RYR2: variants seen among roughly 807,000 people sequenced by gnomAD.
The protein encoded by RYR2 is ryanodine receptor 2.
In RYR2, 227 loss-of-function variants were observed where a neutral mutation model predicts 601.1. The observed-to-expected ratio is 0.38, with a 90% CI of 0.34 to 0.42. The LOEUF (loss-of-function observed/expected upper bound fraction) is 0.42. Among genes scored for constraint, RYR2 ranks in the 10% least tolerant of loss-of-function variants. The pLI is 1.00. For synonymous variants in RYR2, 2,223 were observed against 2,175.1 expected (o/e 1.02, Z -0.61); for missense variants, 4,646 against 6,156.5 (o/e 0.75, Z 8.21).
chr1:237,061,377 G>C (rs892287664), intron 1 of RYR2, among the ~76,000 whole-genome samples: 1 of 152,050 alleles, frequency 6.6e-6, no homozygotes, highest in Non-Finnish European at 1.5e-5. Context: ...GAGTGCAGTG[G>C]CACAGTCATA....
chr1:237,474,201 A>ATGTGTG (rs372140254), intron 17 of RYR2, among the ~76,000 whole-genome samples: 58,171 of 139,894 alleles, frequency 0.42, 13,903 homozygotes, highest in East Asian at 0.61. Flanking sequence ...GTGTGTATAT[A>ATGTGTG]TGTGTGTGTG....
chr1:237,730,781 G>T (rs747214807), intron 77 of RYR2, among the ~76,000 whole-genome samples: 1 of 152,126 alleles, frequency 6.6e-6, no homozygotes, highest in Non-Finnish European at 1.5e-5. Flanking sequence ...ATGATAGACT[G>T]AACACAGGAG....
intron 29 of RYR2, among the ~76,000 whole-genome samples, chr1:237,579,248 C>T (rs1250162316): frequency 4.4e-5 from 3 of 68,094 alleles, no homozygotes; most frequent in African/African-American, 1.5e-4. Flanking sequence ...TCTTCTTCTT[C>T]TTTTTTTTTT....
At chr1:237,511,851 A>AC (rs1454556381) in intron 24 of RYR2, 60 bp downstream of exon 24, 14 of 858,518 alleles carry the variant, frequency 1.6e-5, no homozygotes, top group Non-Finnish European at 2.1e-5. Context: ...AAAAAAAAAA[A>AC]AAAAAAAACA....
intron 1 of RYR2, among the ~76,000 whole-genome samples, chr1:237,095,597 G>C (rs1022800733): frequency 6.6e-6 from 1 of 152,194 alleles, no homozygotes; most frequent in African/African-American, 2.4e-5. Flanking sequence ...CATCCCCCTA[G>C]CCTGGTGACT....
At chr1:237,698,105 AGTGTGTGTGT>A (rs3999833) in intron 63 of RYR2, among the ~76,000 whole-genome samples, 1,748 of 140,114 alleles carry the variant, frequency 0.012, 17 homozygotes, top group South Asian at 0.07. Context: ...AGGAGATGAT[AGTGTGTGTGT>A]GTGTGTGTGT....
chr1:237,240,665 C>CAAAAAAAAAAA (rs35984919), intron 1 of RYR2, among the ~76,000 whole-genome samples: 27 of 55,112 alleles, frequency 4.9e-4, no homozygotes, highest in Middle Eastern at 0.026. Flanking sequence ...CTATAAAAGC[C>CAAAAAAAAAAA]AAAAAAAAAA....
chr1:237,125,168 A>G (rs1374646498), intron 1 of RYR2, among the ~76,000 whole-genome samples: 3 of 152,178 alleles, frequency 2.0e-5, no homozygotes, highest in Admixed American at 6.5e-5. Context: ...AGTATCTGTA[A>G]GATACGAAAC....
intron 73 of RYR2, among the ~76,000 whole-genome samples, chr1:237,719,997 T>C (rs1033256187): frequency 2.0e-5 from 3 of 152,210 alleles, no homozygotes; most frequent in Non-Finnish European, 4.4e-5. Flanking sequence ...ACAGTTGGAA[T>C]AAAAACATGG....
At chr1:237,410,308 G>A (rs1704313379) in intron 10 of RYR2, among the ~76,000 whole-genome samples, 1 of 151,866 alleles carries the variant, frequency 6.6e-6, no homozygotes. Context: ...TTCTCTTAAG[G>A]GCAAAAAAGA....
intron 2 of RYR2, among the ~76,000 whole-genome samples, chr1:237,273,937 A>C (rs972185915): frequency 1.4e-5 from 2 of 145,474 alleles, no homozygotes; most frequent in African/African-American, 5.1e-5. Flanking sequence ...AATATATATT[A>C]TATATTTATA....
intron 17 of RYR2, among the ~76,000 whole-genome samples, chr1:237,486,565 A>G (rs186189222): frequency 6.6e-6 from 1 of 152,338 alleles, no homozygotes; most frequent in Admixed American, 6.5e-5. Context: ...ATAGTTATAT[A>G]CTGTAGAGAG....
rs1423888587 is a variant in RYR2, at chr1:237,697,461, T to C, written c.9068-1504T>C. 1.0e-4 allele frequency among the ~76,000 whole-genome samples: 15 copies of C among 143,860 alleles called. No homozygotes were observed. The South Asian group carries it at 3.0e-3, about 28-fold the overall frequency. 94.4% of individuals were successfully genotyped at this position (143,860 alleles called of 152,430 possible). A position where few individuals can be genotyped will look rare whatever the true frequency, so the allele number is the denominator to read the frequency against. On this transcript the variant is annotated intron_variant, in intron 63 of 104. Transcript: ENST00000366574. Reference sequence around the variant, plus strand: ...TATATATTTATGTAAATATATATTATATGATATATAATATATTTATAGAAA... The same window carrying C: ...TATATATTTATGTAAATATATATTACATGATATATAATATATTTATAGAAA...
intron 10 of RYR2, among the ~76,000 whole-genome samples, chr1:237,392,398 C>T (rs1702459949): frequency 6.6e-6 from 1 of 151,836 alleles, no homozygotes; most frequent in Non-Finnish European, 1.5e-5. Flanking sequence ...GATTATTATG[C>T]ATAGTATGCC....
At chr1:237,297,313 G>T (rs1291213207) in intron 2 of RYR2, among the ~76,000 whole-genome samples, 1 of 152,144 alleles carries the variant, frequency 6.6e-6, no homozygotes, top group East Asian at 1.9e-4. Flanking sequence ...AAGGAAAGGT[G>T]ATCTTTATGC....
intron 52 of RYR2, among the ~76,000 whole-genome samples, chr1:237,654,821 C>T (rs964636348): frequency 5.9e-5 from 9 of 152,220 alleles, no homozygotes; most frequent in African/African-American, 2.2e-4. Flanking sequence ...CTGCTAAAGT[C>T]TCCAGCTTTG....
chr1:237,734,684 G>T (rs1037677373), intron 79 of RYR2, among the ~76,000 whole-genome samples: 4 of 152,196 alleles, frequency 2.6e-5, no homozygotes, highest in Non-Finnish European at 5.9e-5. Context: ...TGAAGGTTTT[G>T]CTAAGGCTTC....
At chr1:237,344,987 T>C (rs1175329633) in intron 3 of RYR2, among the ~76,000 whole-genome samples, 1 of 152,020 alleles carries the variant, frequency 6.6e-6, no homozygotes, top group Non-Finnish European at 1.5e-5. Flanking sequence ...ATTTTTGTAT[T>C]TTTAGTAGAG....
Position 237,614,502 on chromosome 1 carries a change from A to G in RYR2, c.5374A>G (p.Ile1792Val). The change falls in exon 37 of 105, where the codon ATA (isoleucine) becomes GTA (valine). Residue 1792 changes from isoleucine (I) to valine (V), a missense_variant. This residue lies in a region of RYR2 where 1,807 missense variants were observed against 2,088.1 expected (regional missense o/e 0.87). Coordinates refer to ENST00000366574, the MANE Select transcript of RYR2 (RefSeq NM_001035.3). This position sits in a 1 kb window ranked among gnomAD's most constrained non-coding sequence, Gnocchi z 4.3. ...FPLDILKSKT[I>V]QMLTEAVKEG... ...ACTGGACATCCTCAAGTCCAAAACC[A>G]TACAGATGCTGACAGAAGCTGTTAA... The G allele has an allele frequency of 1.2e-6, 2 of 1,614,070 alleles. No individual in the cohort carries two copies. The highest frequency in any genetic ancestry group is 2.2e-5 in the South Asian group (2 of 91,092).
Sources: gnomAD v4.1 joint callset for allele counts (sites outside exome capture counted in the v4.1 genomes callset) on GRCh38, gnomAD v4.1.1 for gene constraint, gnomAD v4.1.1 regional missense constraint, Gnocchi (gnomAD v3.1) non-coding constraint, MANE v1.5 for transcripts, NCBI Gene and HGNC (gene_info 2026-07-23, HGNC 2026-07-21) for gene names.